Variants in RPH3A observed in about 807,000 individuals in gnomAD.
RPH3A encodes rabphilin 3A.
A neutral mutation model predicts 102.2 loss-of-function variants in RPH3A; 48 were observed. The ratio of observed to expected loss-of-function variants is 0.47; its 90% confidence interval spans 0.37 to 0.60. The LOEUF (loss-of-function observed/expected upper bound fraction) is 0.60, where lower values mean the gene tolerates loss of function less well. Ranked by LOEUF, RPH3A falls within the 20% of genes least tolerant of loss-of-function variation. The probability of loss-of-function intolerance (pLI) is 0.00; values close to 1 mark genes in which losing one functional copy is unlikely to be tolerated. For synonymous variants in RPH3A, 310 were observed against 324.3 expected, an observed-to-expected ratio of 0.96 and a Z score of 0.47; for missense variants, 781 against 910.1, an observed-to-expected ratio of 0.86 and a Z score of 1.83.
At chr12:112,728,994 G>A (rs865821594) in intron 1 of RPH3A, among the ~76,000 whole-genome samples, 16 of 152,096 alleles carry the variant, frequency 1.1e-4, no homozygotes, top group African/African-American at 3.9e-4. Context: ...ATTGTCAACT[G>A]TCATGGTGCT....
intron 2 of RPH3A, among the ~76,000 whole-genome samples, chr12:112,817,049 G>A (rs2041686129): frequency 6.6e-6 from 1 of 152,122 alleles, no homozygotes; most frequent in African/African-American, 2.4e-5. Context: ...AAGGTGACCT[G>A]GCTCATAAAT....
intron 1 of RPH3A, among the ~76,000 whole-genome samples, chr12:112,701,693 T>C (rs2040395798): frequency 6.6e-6 from 1 of 152,204 alleles, no homozygotes; most frequent in African/African-American, 2.4e-5. Context: ...TCTATTCCAA[T>C]TCCAAGCACT....
At chr12:112,882,114 T>C (rs1052166166) in intron 15 of RPH3A, among the ~76,000 whole-genome samples, 18 of 152,216 alleles carry the variant, frequency 1.2e-4, no homozygotes, top group Admixed American at 6.5e-5. Flanking sequence ...GCCCTGATGA[T>C]GCCCTTCATC....
At chr12:112,892,821 C>A (rs1433455518) in intron 19 of RPH3A, 20 of 152,210 alleles carry the variant, frequency 1.3e-4, no homozygotes, top group Admixed American at 1.3e-3. Context: ...GGAGACACTC[C>A]CCCCACCTCC....
At chr12:112,737,068 T>A (rs1053944771) in intron 1 of RPH3A, among the ~76,000 whole-genome samples, 1 of 149,222 alleles carries the variant, frequency 6.7e-6, no homozygotes, top group Non-Finnish European at 1.5e-5. Flanking sequence ...GGTGGAAGGA[T>A]GGCTTGAGCC....
intron 1 of RPH3A, among the ~76,000 whole-genome samples, chr12:112,784,322 G>A (rs1244303406): frequency 6.6e-6 from 1 of 152,050 alleles, no homozygotes; most frequent in Admixed American, 6.6e-5. Context: ...AGGTTTTCCA[G>A]CCTCTCCCCT....
chr12:112,694,543 C>G (rs967467146), intron 1 of RPH3A, among the ~76,000 whole-genome samples: 4 of 149,476 alleles, frequency 2.7e-5, no homozygotes, highest in Non-Finnish European at 4.4e-5. Context: ...CAGATGAGGG[C>G]GGGGAAAAAG....
chr12:112,757,092 AT>A (rs1316825835), intron 1 of RPH3A, among the ~76,000 whole-genome samples: 1 of 152,156 alleles, frequency 6.6e-6, no homozygotes, highest in Non-Finnish European at 1.5e-5. Flanking sequence ...TCTTTTTCTT[AT>A]TGATTCCCTC....
intron 2 of RPH3A, among the ~76,000 whole-genome samples, chr12:112,794,200 C>T (rs2041182428): frequency 1.3e-5 from 2 of 152,180 alleles, no homozygotes; most frequent in South Asian, 4.1e-4. Context: ...GACCTGGGTT[C>T]CAGTCCCAGC....
At chr12:112,781,857 T>G (rs1452185219) in intron 1 of RPH3A, among the ~76,000 whole-genome samples, 2 of 152,262 alleles carry the variant, frequency 1.3e-5, no homozygotes, top group Non-Finnish European at 2.9e-5. Context: ...AGTCCAGGTC[T>G]TCCTGTTCAA....
At chr12:112,747,974 C>T (rs2040760182) in intron 1 of RPH3A, among the ~76,000 whole-genome samples, 1 of 152,122 alleles carries the variant, frequency 6.6e-6, no homozygotes, top group Non-Finnish European at 1.5e-5. Flanking sequence ...ATTTCGGGGG[C>T]CAACCTGGAA....
At chr12:112,866,087 T>C (rs1457337847) in intron 6 of RPH3A, among the ~76,000 whole-genome samples, 1 of 152,188 alleles carries the variant, frequency 6.6e-6, no homozygotes, top group Non-Finnish European at 1.5e-5. Context: ...GGAGCAAAGA[T>C]ACAACTGTCC....
chr12:112,890,864 G>T lies in RPH3A; in HGVS notation c.1636G>T (p.Gly546Cys). Reference protein sequence around the residue: ...LYEEEQVERVGDIEERGKILV... With the variant: ...LYEEEQVERVCDIEERGKILV... Reference sequence around the variant, plus strand: ...CCCAATGCAGCAGGTGGAGCGTGTTGGTGACATCGAGGAGCGTGGCAAGAT... The same window carrying T: ...CCCAATGCAGCAGGTGGAGCGTGTTTGTGACATCGAGGAGCGTGGCAAGAT... The change falls in exon 19 of 22, where the codon GGT (glycine) becomes TGT (cysteine). Residue 546 changes from glycine (G) to cysteine (C), a missense_variant. Gly to Cys is a radical substitution (Grantham distance 159, BLOSUM62 -3). Coordinates refer to ENST00000389385, the MANE Select transcript of RPH3A (RefSeq NM_001143854.2). 1 of 1,613,834 alleles carries T rather than the reference G, an allele frequency of 6.2e-7. No homozygotes were observed. The highest frequency in any genetic ancestry group is 1.1e-5 in the South Asian group (1 of 90,972).
At chr12:112,657,215 T>C (rs1321493034) in intron 1 of RPH3A, among the ~76,000 whole-genome samples, 1 of 152,208 alleles carries the variant, frequency 6.6e-6, no homozygotes, top group Non-Finnish European at 1.5e-5. Flanking sequence ...TTTTTTCATA[T>C]GTTTGTTGGC....
At chr12:112,623,409 C>T (rs2039746726) in intron 1 of RPH3A, among the ~76,000 whole-genome samples, 1 of 19,626 alleles carries the variant, frequency 5.1e-5, no homozygotes, top group Non-Finnish European at 1.0e-4. Context: ...GGTTGCAATC[C>T]TAGTCTCTGA....
chr12:112,790,106 G>T (rs1453152338), upstream of RPH3A, among the ~76,000 whole-genome samples: 2 of 151,920 alleles, frequency 1.3e-5, no homozygotes, highest in African/African-American at 2.4e-5. Context: ...GCCCAGGTTG[G>T]AGTGTAATGG....
At chr12:112,709,410 G>T (rs570794891) in intron 1 of RPH3A, among the ~76,000 whole-genome samples, 49 of 152,108 alleles carry the variant, frequency 3.2e-4, no homozygotes, top group Non-Finnish European at 5.2e-4. Context: ...ATTACCCAGG[G>T]TTAGTGATGT....
intron 20 of RPH3A, among the ~76,000 whole-genome samples, chr12:112,894,927 G>T (rs941752791): frequency 2.0e-5 from 3 of 152,138 alleles, no homozygotes; most frequent in Non-Finnish European, 4.4e-5. Context: ...GAACACATGT[G>T]GGGGAATGTT....
chr12:112,797,667 G>A (rs966030189), intron 2 of RPH3A, among the ~76,000 whole-genome samples: 12 of 151,842 alleles, frequency 7.9e-5, no homozygotes, highest in African/African-American at 1.5e-4. Flanking sequence ...ATTTGCAGGC[G>A]GTGGCTTTGA....
Sources: gnomAD v4.1 joint callset for allele counts (sites outside exome capture counted in the v4.1 genomes callset) on GRCh38, gnomAD v4.1.1 for gene constraint, MANE v1.5 for transcripts, NCBI Gene and HGNC (gene_info 2026-07-23, HGNC 2026-07-21) for gene names.